Variants in BTRC observed in about 807,000 individuals in gnomAD.
The protein encoded by BTRC is F-box/WD repeat-containing protein 1A.
Under a neutral mutation model 85.5 loss-of-function variants are expected in BTRC, and 42 were observed. That is an observed-to-expected ratio of 0.49 (90% CI 0.38 to 0.64). The LOEUF (loss-of-function observed/expected upper bound fraction) is 0.64, where lower values mean the gene tolerates loss of function less well. BTRC is among the 30% of genes least tolerant of loss of function. The probability of loss-of-function intolerance (pLI) is 0.00; values close to 1 mark genes in which losing one functional copy is unlikely to be tolerated. For synonymous variants in BTRC, 255 were observed against 263.3 expected (o/e 0.97, Z 0.30); for missense variants, 594 against 743.5 (o/e 0.80, Z 2.34).
chr10:101,415,500 TG>T (rs55753051), intron 1 of BTRC, among the ~76,000 whole-genome samples: 2 of 3,526 alleles, frequency 5.7e-4, no homozygotes, highest in African/African-American at 3.2e-4. Context: ...TGTTATGTTA[TG>T]TTATGTTATG....
chr10:101,534,771 G>T lies in BTRC; in HGVS notation c.1208G>T (p.Arg403Leu), dbSNP rs769215394. Reference sequence around the variant, plus strand: ...ATGATGGTGACCTGCTCCAAAGATCGTTCCATTGCTGTATGGGATATGGCC... The same window carrying T: ...ATGATGGTGACCTGCTCCAAAGATCTTTCCATTGCTGTATGGGATATGGCC... Reference protein sequence around the residue: ...NGMMVTCSKDRSIAVWDMASP... With the variant: ...NGMMVTCSKDLSIAVWDMASP... The change falls in exon 10 of 15, where the codon CGT becomes CTT. Residue 403 changes from arginine to leucine, a missense_variant. Arg to Leu is a moderately radical substitution (Grantham distance 102). This residue lies in a region of BTRC where 373 missense variants were observed against 503.6 expected (regional missense o/e 0.74). Coordinates refer to ENST00000370187, the MANE Select transcript of BTRC (RefSeq NM_033637.4). 1 of 1,614,006 alleles carries T rather than the reference G, an allele frequency of 6.2e-7. No homozygotes were observed. The highest frequency in any genetic ancestry group is 1.3e-5 in the African/African-American group (1 of 74,876).
intron 4 of BTRC, among the ~76,000 whole-genome samples, chr10:101,486,192 C>G (rs1945981421): frequency 6.6e-6 from 1 of 151,976 alleles, no homozygotes; most frequent in Non-Finnish European, 1.5e-5. Flanking sequence ...TGGGAGCAAG[C>G]GGCTGTTGTA....
At chr10:101,427,130 T>C (rs1163190835) in intron 1 of BTRC, among the ~76,000 whole-genome samples, 4 of 147,104 alleles carry the variant, frequency 2.7e-5, no homozygotes, top group Non-Finnish European at 6.0e-5. Flanking sequence ...TTTTTTTTTT[T>C]TTTTTTGAGA....
chr10:101,409,654 G>T (rs1293850640), intron 1 of BTRC, among the ~76,000 whole-genome samples: 6 of 152,166 alleles, frequency 3.9e-5, no homozygotes, highest in Non-Finnish European at 8.8e-5. Flanking sequence ...ACAATAGGGA[G>T]TATTTGTGTA....
At chr10:101,403,895 C>T (rs1200147797) in intron 1 of BTRC, among the ~76,000 whole-genome samples, 1 of 149,696 alleles carries the variant, frequency 6.7e-6, no homozygotes, top group Non-Finnish European at 1.5e-5. Flanking sequence ...GCACCTGGCC[C>T]ATTTAGTTCT....
At position 101,549,764 on chromosome 10, in the gene BTRC, G is replaced by A. The variant is rs1013523479; in HGVS notation, c.1657-935G>A. Among the ~76,000 whole-genome samples the A allele has an allele frequency of 2.2e-5, 3 of 138,432 alleles. No homozygotes were observed. The East Asian group carries it at 7.0e-4, about 32-fold the overall frequency. 90.8% of individuals were successfully genotyped at this position (138,432 alleles called of 152,430 possible). On this transcript the variant is annotated intron_variant, in intron 13 of 14. Transcript: ENST00000370187. Reference sequence around the variant, plus strand: ...TGATGATGATAAAATTGGAGTGGAGGTAACATTGTTTAGTAAGGGGTGTGA... The same window carrying A: ...TGATGATGATAAAATTGGAGTGGAGATAACATTGTTTAGTAAGGGGTGTGA...
chr10:101,354,122 G>A (rs542939587), upstream of BTRC: 3 of 1,541,548 alleles, frequency 1.9e-6, no homozygotes, highest in East Asian at 2.5e-5. Flanking sequence ...TGCGTTGGCT[G>A]CGGCCTGGCA....
At chr10:101,518,204 G>A (rs1221376439) in intron 4 of BTRC, among the ~76,000 whole-genome samples, 3 of 152,134 alleles carry the variant, frequency 2.0e-5, no homozygotes, top group East Asian at 1.9e-4. Flanking sequence ...GAGCCACCGC[G>A]CCCGGCCGAA....
At chr10:101,527,691 C>G (rs1033915999) in intron 6 of BTRC, among the ~76,000 whole-genome samples, 7 of 151,804 alleles carry the variant, frequency 4.6e-5, no homozygotes, top group African/African-American at 1.7e-4. Context: ...GAAGTTGAGG[C>G]TGCAGTGAGC....
In BTRC at chr10:101,536,638, G is replaced by A. The variant is rs1402372096; in HGVS notation, c.1562G>A (p.Ser521Asn). ...CIRFDNKRIVSGAYDGKIKVW... is the reference protein window; with the variant it reads ...CIRFDNKRIVNGAYDGKIKVW... ...CGATTTGATAACAAGAGGATAGTCA[G>A]TGGGGCCTATGATGGGTGAGTGTGC... Residue 521 changes from serine (S) to asparagine (N), a missense_variant, in exon 12 of 15, where the codon AGT becomes AAT. This residue lies in a region of BTRC where 373 missense variants were observed against 503.6 expected (regional missense o/e 0.74). Coordinates refer to ENST00000370187, the MANE Select transcript of BTRC (RefSeq NM_033637.4). 6.2e-7 allele frequency: 1 copy of A among 1,612,492 alleles called. No homozygotes were observed. The highest frequency in any genetic ancestry group is 1.3e-5 in the African/African-American group (1 of 75,022).
intron 4 of BTRC, among the ~76,000 whole-genome samples, chr10:101,518,841 C>T (rs1164360879): frequency 3.2e-5 from 4 of 124,682 alleles, no homozygotes; most frequent in Non-Finnish European, 1.9e-5. Context: ...GAAATGATCT[C>T]TAACCACTTA....
At chr10:101,514,601 TGCCATGATGTCCAGCTAA>T (rs1291013286) in intron 4 of BTRC, among the ~76,000 whole-genome samples, 1 of 152,126 alleles carries the variant, frequency 6.6e-6, no homozygotes, top group Admixed American at 6.5e-5. Context: ...TATAGGCGTG[TGCCATGATGTCCAGCTAA>T]TTTTTGTATT....
intron 2 of BTRC, among the ~76,000 whole-genome samples, chr10:101,447,010 C>T (rs985832278): frequency 2.0e-5 from 3 of 151,220 alleles, no homozygotes; most frequent in Admixed American, 6.6e-5. Flanking sequence ...GTGGGGGGGC[C>T]GGTTACAAAG....
intron 6 of BTRC, among the ~76,000 whole-genome samples, chr10:101,530,518 G>T (rs977677923): frequency 6.6e-6 from 1 of 151,970 alleles, no homozygotes; most frequent in South Asian, 2.1e-4. Flanking sequence ...AACCTATAGG[G>T]CATGTGCTAG....
chr10:101,433,610 G>C (rs1374872122), intron 2 of BTRC, among the ~76,000 whole-genome samples: 1 of 152,146 alleles, frequency 6.6e-6, no homozygotes, highest in African/African-American at 2.4e-5. Flanking sequence ...AAAGAGAAAG[G>C]GGAGAATAGA....
intron 3 of BTRC, among the ~76,000 whole-genome samples, chr10:101,465,623 C>T (rs192558431): frequency 7.2e-5 from 11 of 152,250 alleles, no homozygotes; most frequent in African/African-American, 2.2e-4. Context: ...ATGCCAGACC[C>T]TTTCACAGAA....
chr10:101,538,427 C>T lies in BTRC; in HGVS notation c.1656+56C>T, dbSNP rs111501967. On this transcript the variant is annotated intron_variant, in intron 13 of 14. Coordinates refer to ENST00000370187, the MANE Select transcript of BTRC (RefSeq NM_033637.4). ...AGAGCAGGTGGGGGAAGAAATTAAA[C>T]GTTGATGTGCTGTGGAATATGGATT... 6.0e-5 allele frequency: 87 copies of T among 1,442,682 alleles called. No individual in the cohort carries two copies. In the African/African-American group the frequency reaches 8.1e-4, roughly 13 times the overall value. The allele number at this position is 1,442,682 out of a possible 1,614,324, so 89.4% of individuals were successfully genotyped here. A position where few individuals can be genotyped will look rare whatever the true frequency, so the allele number is the denominator to read the frequency against.
chr10:101,415,499 AT>A (rs1943912879), intron 1 of BTRC, among the ~76,000 whole-genome samples: 2 of 3,220 alleles, frequency 6.2e-4, no homozygotes, highest in African/African-American at 7.0e-4. Context: ...ATGTTATGTT[AT>A]GTTATGTTAT....
chr10:101,376,026 G>C (rs1408649397), intron 1 of BTRC, among the ~76,000 whole-genome samples: 2 of 152,144 alleles, frequency 1.3e-5, no homozygotes, highest in Admixed American at 6.5e-5. Flanking sequence ...GAATTAACTG[G>C]AATCAAAAGT....
Sources: gnomAD v4.1 joint callset for allele counts (sites outside exome capture counted in the v4.1 genomes callset) on GRCh38, gnomAD v4.1.1 for gene constraint, gnomAD v4.1.1 regional missense constraint, MANE v1.5 for transcripts, NCBI Gene and HGNC (gene_info 2026-07-23, HGNC 2026-07-21) for gene names.